The following PTPRD variants were observed in gnomAD, a reference collection of about 807,000 sequenced individuals.
The protein encoded by PTPRD is protein tyrosine phosphatase receptor type D.
A neutral mutation model predicts 214.5 loss-of-function variants in PTPRD; 34 were observed. That is an observed-to-expected ratio of 0.16 (90% CI 0.12 to 0.21). PTPRD has a LOEUF of 0.21. Among genes scored for constraint, PTPRD ranks in the 10% least tolerant of loss-of-function variants. PTPRD has a pLI of 1.00. For missense variants in PTPRD, 2,545 were observed against 2,398.7 expected (o/e 1.06, Z -1.27); for synonymous variants, 1,128 against 845.7 (o/e 1.33, Z -5.79).
chr9:9,705,758 C>G (rs917112194), intron 7 of PTPRD, among the ~76,000 whole-genome samples: 4 of 152,210 alleles, frequency 2.6e-5, no homozygotes, highest in Admixed American at 2.6e-4. Flanking sequence ...AGTTTTTTAT[C>G]TGTGCAGAAT....
At chr9:10,047,051 T>C (rs1425396621) in intron 3 of PTPRD, among the ~76,000 whole-genome samples, 3 of 151,994 alleles carry the variant, frequency 2.0e-5, no homozygotes, top group Non-Finnish European at 4.4e-5. Context: ...TAAACATCTT[T>C]TTCTATCTTG....
chr9:10,117,145 T>A (rs1011496800), intron 3 of PTPRD, among the ~76,000 whole-genome samples: 1 of 152,116 alleles, frequency 6.6e-6, no homozygotes, highest in African/African-American at 2.4e-5. Context: ...TCATAACACA[T>A]TTTAGGTGAT....
At chr9:10,391,679 C>T (rs1005957312) in intron 2 of PTPRD, among the ~76,000 whole-genome samples, 25 of 151,916 alleles carry the variant, frequency 1.6e-4, no homozygotes, top group African/African-American at 5.8e-4. Context: ...ACCTCTGCTT[C>T]TAGTGGGTTC....
At chr9:9,849,920 A>G (rs2060229541) in intron 5 of PTPRD, among the ~76,000 whole-genome samples, 1 of 152,152 alleles carries the variant, frequency 6.6e-6, no homozygotes, top group African/African-American at 2.4e-5. Context: ...CTACAGCGGA[A>G]TAAGATCTGT....
intron 7 of PTPRD, among the ~76,000 whole-genome samples, chr9:9,732,024 C>A (rs771472060): frequency 9.9e-5 from 15 of 151,966 alleles, no homozygotes; most frequent in Admixed American, 2.0e-4. Flanking sequence ...ACAAAGAGTT[C>A]AAGGACAGGG....
At chr9:9,410,186 A>G (rs2074925353) in intron 8 of PTPRD, among the ~76,000 whole-genome samples, 1 of 152,186 alleles carries the variant, frequency 6.6e-6, no homozygotes, top group Non-Finnish European at 1.5e-5. Context: ...TTACTGGCAC[A>G]AATCAATACA....
chr9:9,385,293 T>C (rs1202355962), intron 9 of PTPRD, among the ~76,000 whole-genome samples: 1 of 152,154 alleles, frequency 6.6e-6, no homozygotes, highest in Non-Finnish European at 1.5e-5. Context: ...TTGCCACAGT[T>C]TTCCTCCAGG....
rs144244248 is a variant in PTPRD at position 9,353,870 on chromosome 9, G to A, written c.-203+43579C>T. 1.0e-3 allele frequency among the ~76,000 whole-genome samples: 156 copies of A among 151,958 alleles called. 2 individuals are homozygous for A. In the East Asian group the frequency reaches 0.028, roughly 27 times the overall value. On this transcript the variant is annotated intron_variant, in intron 9 of 45. Coordinates refer to ENST00000381196, the MANE Select transcript of PTPRD (RefSeq NM_002839.4). ...TCTCTTCCTCAGCTATCACAAGGCTGAAATCAAGGTGTTGGCTGGGCTGTG... is the reference window on the plus strand; with the variant it reads ...TCTCTTCCTCAGCTATCACAAGGCTAAAATCAAGGTGTTGGCTGGGCTGTG...
chr9:9,251,447 T>A (rs1327391287), intron 9 of PTPRD, among the ~76,000 whole-genome samples: 2 of 152,122 alleles, frequency 1.3e-5, no homozygotes, highest in Non-Finnish European at 1.5e-5. Flanking sequence ...TGCTTTTTCC[T>A]TTATTTGGTA....
At chr9:9,577,816 C>T (rs1035017230) in intron 7 of PTPRD, among the ~76,000 whole-genome samples, 11 of 151,758 alleles carry the variant, frequency 7.2e-5, no homozygotes, top group East Asian at 1.9e-4. Context: ...AAGGCTGAGG[C>T]GGGTGGATCA....
At chr9:9,863,316 G>A (rs1227502347) in intron 5 of PTPRD, among the ~76,000 whole-genome samples, 1 of 152,128 alleles carries the variant, frequency 6.6e-6, no homozygotes, top group Non-Finnish European at 1.5e-5. Flanking sequence ...TTTGATAATT[G>A]ATAAAGGAAA....
rs1485985486 is a variant in PTPRD at position 8,619,932 on chromosome 9, TCAC to T, written c.352+13382_352+13384del. Among the ~76,000 whole-genome samples, 3 of 152,130 alleles carry T rather than the reference TCAC, an allele frequency of 2.0e-5. No individual in the cohort carries two copies. The East Asian group carries it at 5.8e-4, about 30-fold the overall frequency. On this transcript the variant is annotated intron_variant, in intron 14 of 45. Coordinates refer to ENST00000381196, the MANE Select transcript of PTPRD (RefSeq NM_002839.4). ...ACTTTAGAGTCAGAAAATCTGGTAA[TCAC>T]CACATTTACCAGCATGTTTGGTCAA...
intron 20 of PTPRD, among the ~76,000 whole-genome samples, chr9:8,519,275 T>C (rs1205351887): frequency 6.6e-6 from 1 of 152,156 alleles, no homozygotes; most frequent in African/African-American, 2.4e-5. Context: ...TGACAAATAT[T>C]TGCAATAAAA....
intron 10 of PTPRD, among the ~76,000 whole-genome samples, chr9:9,035,573 C>T (rs963544148): frequency 5.3e-5 from 8 of 151,278 alleles, no homozygotes; most frequent in Non-Finnish European, 1.2e-4. Flanking sequence ...CACCCGCTTC[C>T]TCTCTCCTCT....
chr9:9,464,191 A>T (rs1451533957), intron 8 of PTPRD, among the ~76,000 whole-genome samples: 1 of 152,134 alleles, frequency 6.6e-6, no homozygotes, highest in South Asian at 2.1e-4. Flanking sequence ...CCAGTGAGCA[A>T]TGGGACCTAG....
chr9:8,847,567 C>G (rs957651303), intron 11 of PTPRD, among the ~76,000 whole-genome samples: 1 of 152,106 alleles, frequency 6.6e-6, no homozygotes, highest in African/African-American at 2.4e-5. Context: ...TTCCATGTAA[C>G]TTTATTTTAT....
intron 2 of PTPRD, among the ~76,000 whole-genome samples, chr9:10,479,444 AAACTT>A (rs2099082792): frequency 6.6e-6 from 1 of 152,086 alleles, no homozygotes; most frequent in Non-Finnish European, 1.5e-5. Context: ...AAAGAAACTC[AAACTT>A]AACTTGTACT....
intron 8 of PTPRD, among the ~76,000 whole-genome samples, chr9:9,499,675 T>C (rs1362540178): frequency 6.6e-6 from 1 of 152,054 alleles, no homozygotes; most frequent in Non-Finnish European, 1.5e-5. Flanking sequence ...AACAGCCTGT[T>C]TCTTCTCACA....
At chr9:8,746,385 A>G (rs1261610115) in intron 11 of PTPRD, among the ~76,000 whole-genome samples, 4 of 152,216 alleles carry the variant, frequency 2.6e-5, no homozygotes, top group Non-Finnish European at 5.9e-5. Context: ...AGCACTATGC[A>G]TTTCCCATAC....
Sources: gnomAD v4.1 joint callset for allele counts (sites outside exome capture counted in the v4.1 genomes callset) on GRCh38, gnomAD v4.1.1 for gene constraint, MANE v1.5 for transcripts, NCBI Gene and HGNC (gene_info 2026-07-23, HGNC 2026-07-21) for gene names.